The following CPLANE1 variants were observed in gnomAD, a reference collection of about 807,000 sequenced individuals.
The protein encoded by CPLANE1 is ciliogenesis and planar polarity effector complex subunit 1.
A neutral mutation model predicts 362.5 loss-of-function variants in CPLANE1; 263 were observed. That is an observed-to-expected ratio of 0.73 (90% confidence interval 0.66 to 0.80). CPLANE1 has a LOEUF of 0.80. Among genes scored for constraint, CPLANE1 ranks in the 30% least tolerant of loss-of-function variants. The pLI is 0.00. For missense variants in CPLANE1, 3,461 were observed against 3,793.4 expected (o/e 0.91, Z 2.30); for synonymous variants, 1,212 against 1,302.6 (o/e 0.93, Z 1.50).
chr5:37,243,158 C>A, intron 5 of CPLANE1, 39 bp from the exon 6 acceptor site: 2 of 1,208,428 alleles, frequency 1.7e-6, no homozygotes, highest in South Asian at 1.5e-5. Context: ...TAAAATTAAT[C>A]TGAAAATAAA....
chr5:37,192,126 A>G (rs532353709), intron 21 of CPLANE1, among the ~76,000 whole-genome samples: 1 of 152,248 alleles, frequency 6.6e-6, no homozygotes, highest in South Asian at 2.1e-4. Context: ...GTACCTTTTC[A>G]ATGTTTAGAT....
chr5:37,114,431 G>A (rs2149974209), intron 51 of CPLANE1, among the ~76,000 whole-genome samples: 1 of 152,244 alleles, frequency 6.6e-6, no homozygotes, highest in South Asian at 2.1e-4. Flanking sequence ...TTCCAGGTGA[G>A]AAAATTAAGA....
At chr5:37,127,021 C>A (rs1764320145) in intron 46 of CPLANE1, among the ~76,000 whole-genome samples, 2 of 152,124 alleles carry the variant, frequency 1.3e-5, no homozygotes, top group African/African-American at 2.4e-5. Context: ...CAGTAAAACC[C>A]CAGGCACTGA....
chr5:37,089,457 T>C, the CPLANE1 span, among the ~76,000 whole-genome samples: 2 of 152,214 alleles, frequency 1.3e-5, no homozygotes, highest in African/African-American at 4.8e-5. Flanking sequence ...GGTAGAACAG[T>C]GGCCTCTGAA....
At chr5:37,113,183 T>C (rs1759838136) in intron 51 of CPLANE1, among the ~76,000 whole-genome samples, 1 of 152,198 alleles carries the variant, frequency 6.6e-6, no homozygotes, top group African/African-American at 2.4e-5. Context: ...TCATCTTGAA[T>C]TGTAGCTCCC....
At position 37,238,894 on chromosome 5, in the gene CPLANE1, T is replaced by C; in HGVS notation, c.901A>G (p.Ser301Gly). Reference protein sequence around the residue: ...VTLCGSLKGCSNKSPVVPATL... With the variant: ...VTLCGSLKGCGNKSPVVPATL... Reference sequence around the variant, plus strand: ...GCTGGAACCACGGGACTCTTGTTACTACATCCTTTAAGGCTACCACAGAGA... The same window carrying C: ...GCTGGAACCACGGGACTCTTGTTACCACATCCTTTAAGGCTACCACAGAGA... The change falls in exon 8 of 53, where the codon AGT becomes GGT. Residue 301 changes from serine (S) to glycine (G), a missense_variant. Physicochemically the swap from Ser to Gly is moderately conservative, Grantham distance 56. Around this residue, in one of 2 missense-constraint regions of CPLANE1, gnomAD observed 3,380 missense variants for 3,666.1 expected, o/e 0.92. Coordinates refer to ENST00000651892, the MANE Select transcript of CPLANE1 (RefSeq NM_001384732.1). 1 of 1,535,996 alleles carries C rather than the reference T, an allele frequency of 6.5e-7. No individual in the cohort carries two copies. Among genetic ancestry groups the C allele is most frequent in the Non-Finnish European group, 8.8e-7 (1 of 1,140,422 alleles).
intron 16 of CPLANE1, chr5:37,212,460 T>C: frequency 6.0e-6 from 4 of 667,204 alleles, no homozygotes; most frequent in Non-Finnish European, 2.8e-6. Context: ...TGTTTCTCTA[T>C]CAACAGATAA....
chr5:37,121,541 G>A lies in CPLANE1; in HGVS notation c.9185+76C>T, dbSNP rs148832999. On this transcript the variant is annotated intron_variant, in intron 49 of 52. Coordinates refer to ENST00000651892, the MANE Select transcript of CPLANE1 (RefSeq NM_001384732.1). ...GGTAAATGCAAATGCACTGAACTTA[G>A]GTCACGAAAGTGCTACATTTCTTCT... The A allele has an allele frequency of 3.2e-4, 438 of 1,361,164 alleles. 2 individuals are homozygous for A. The East Asian group carries it at 7.3e-3, about 23-fold the overall frequency. The allele number at this position is 1,361,164 out of a possible 1,614,324, so 84.3% of individuals were successfully genotyped here. A position where few individuals can be genotyped will look rare whatever the true frequency, so the allele number is the denominator to read the frequency against.
chr5:37,150,071 G>A (rs141293570), intron 42 of CPLANE1, among the ~76,000 whole-genome samples: 1 of 152,194 alleles, frequency 6.6e-6, no homozygotes, highest in African/African-American at 2.4e-5. Flanking sequence ...AAAATGCCAA[G>A]TCACCTCCAC....
At chr5:37,234,344 A>G (rs1798430144) in intron 8 of CPLANE1, among the ~76,000 whole-genome samples, 1 of 151,932 alleles carries the variant, frequency 6.6e-6, no homozygotes, top group South Asian at 2.1e-4. Context: ...GAAATCGGAA[A>G]ATCAATATGA....
At chr5:37,212,796 C>T (rs1792986074) in intron 16 of CPLANE1, among the ~76,000 whole-genome samples, 1 of 152,196 alleles carries the variant, frequency 6.6e-6, no homozygotes, top group Admixed American at 6.5e-5. Flanking sequence ...ACTGAATTAG[C>T]AGGCTCAATA....
chr5:37,160,893 G>A (rs1285004374), intron 38 of CPLANE1, among the ~76,000 whole-genome samples: 2 of 151,894 alleles, frequency 1.3e-5, no homozygotes, highest in Admixed American at 1.3e-4. Flanking sequence ...GGATGGTCTC[G>A]ATCTCTTGAC....
At chr5:37,205,765 G>A (rs778768128) in intron 17 of CPLANE1, among the ~76,000 whole-genome samples, 37 of 152,128 alleles carry the variant, frequency 2.4e-4, no homozygotes, top group Non-Finnish European at 4.6e-4. Context: ...CCAGGCTGAC[G>A]TGTAATGACA....
At chr5:37,210,024 T>A in intron 16 of CPLANE1, 1 of 832,452 alleles carries the variant, frequency 1.2e-6, no homozygotes. Flanking sequence ...AAAGTTGAAG[T>A]TTTTTAAAGA....
the CPLANE1 span, among the ~76,000 whole-genome samples, chr5:37,086,898 C>T: frequency 6.6e-6 from 1 of 152,166 alleles, no homozygotes; most frequent in South Asian, 2.1e-4. Context: ...GTGACCAACA[C>T]TGCAAAGGAA....
intron 2 of CPLANE1, among the ~76,000 whole-genome samples, chr5:37,247,353 T>TTAAA (rs1194589291): frequency 6.6e-6 from 1 of 152,182 alleles, no homozygotes; most frequent in African/African-American, 2.4e-5. Context: ...TAAACTTGAC[T>TTAAA]TAAACATAAT....
intron 51 of CPLANE1, among the ~76,000 whole-genome samples, chr5:37,110,414 C>T (rs1758820090): frequency 6.6e-6 from 1 of 152,200 alleles, no homozygotes; most frequent in Non-Finnish European, 1.5e-5. Flanking sequence ...ATCTCCTTTT[C>T]ATCATTCAAG....
At chr5:37,093,037 GGCAAGGATCCTCT>G in the CPLANE1 span, among the ~76,000 whole-genome samples, 5 of 152,134 alleles carry the variant, frequency 3.3e-5, no homozygotes, top group African/African-American at 1.2e-4. Context: ...ACATGCGATT[GGCAAGGATCCTCT>G]GCCCTTGCCA....
intron 20 of CPLANE1, among the ~76,000 whole-genome samples, chr5:37,196,852 GA>G (rs1787635769): frequency 2.0e-5 from 3 of 151,992 alleles, no homozygotes; most frequent in Non-Finnish European, 4.4e-5. Context: ...TTAAACCCGG[GA>G]GCCGGAGGTT....
Sources: gnomAD v4.1 joint callset for allele counts (sites outside exome capture counted in the v4.1 genomes callset) on GRCh38, gnomAD v4.1.1 for gene constraint, gnomAD v4.1.1 regional missense constraint, MANE v1.5 for transcripts, NCBI Gene and HGNC (gene_info 2026-07-23, HGNC 2026-07-21) for gene names.